SPAG16: variants seen among roughly 807,000 people sequenced by gnomAD.
SPAG16 encodes the protein sperm-associated antigen 16 protein.
Under a neutral mutation model 80.4 loss-of-function variants are expected in SPAG16, and 86 were observed. The ratio of observed to expected loss-of-function variants is 1.07; its 90% CI spans 0.90 to 1.28. SPAG16 has a LOEUF of 1.28. Ranked by LOEUF, SPAG16 falls within the 50% of genes most tolerant of loss-of-function variation. The pLI is 0.00. For synonymous variants in SPAG16, 294 were observed against 265.9 expected (o/e 1.11, Z -1.03); for missense variants, 870 against 765.3 (o/e 1.14, Z -1.61).
At chr2:213,984,561 A>C (rs1335116074) in intron 12 of SPAG16, among the ~76,000 whole-genome samples, 2 of 152,102 alleles carry the variant, frequency 1.3e-5, no homozygotes, top group African/African-American at 2.4e-5. Context: ...AGCACAAGGC[A>C]TGGGACATGG....
At chr2:213,694,154 T>C (rs1239605622) in intron 10 of SPAG16, among the ~76,000 whole-genome samples, 1 of 152,102 alleles carries the variant, frequency 6.6e-6, no homozygotes, top group Admixed American at 6.5e-5. Flanking sequence ...TCTGTAAGAA[T>C]AAACTAAGGA....
chr2:213,974,053 T>C (rs1189012709), intron 12 of SPAG16, among the ~76,000 whole-genome samples: 1 of 152,132 alleles, frequency 6.6e-6, no homozygotes, highest in African/African-American at 2.4e-5. Flanking sequence ...GTAGCTTAAC[T>C]AGGATTTTTA....
intron 14 of SPAG16, among the ~76,000 whole-genome samples, chr2:214,117,140 A>G (rs569670276): frequency 3.3e-5 from 5 of 152,318 alleles, no homozygotes; most frequent in South Asian, 4.1e-4. Context: ...GAAATTTATC[A>G]GGGAAATTTT....
intron 13 of SPAG16, among the ~76,000 whole-genome samples, chr2:214,078,533 CAAAAA>C (rs35101370): frequency 6.0e-5 from 7 of 117,126 alleles, no homozygotes; most frequent in African/African-American, 1.3e-4. Context: ...GAGCCTGTCT[CAAAAA>C]AAAAAAAAAA....
chr2:213,972,882 A>C (rs565291808), intron 12 of SPAG16, among the ~76,000 whole-genome samples: 1 of 151,854 alleles, frequency 6.6e-6, no homozygotes, highest in African/African-American at 2.4e-5. Context: ...TTGTGTTTTC[A>C]CTCTTCTGAT....
At chr2:214,173,842 C>G (rs1291395828) in intron 15 of SPAG16, among the ~76,000 whole-genome samples, 5 of 152,006 alleles carry the variant, frequency 3.3e-5, no homozygotes, top group African/African-American at 9.7e-5. Flanking sequence ...TACTGGCAAG[C>G]CGAATCCAGC....
intron 15 of SPAG16, among the ~76,000 whole-genome samples, chr2:214,214,479 C>G (rs2058378555): frequency 6.6e-6 from 1 of 152,130 alleles, no homozygotes; most frequent in African/African-American, 2.4e-5. Flanking sequence ...TCTTATGATA[C>G]TGAAAACTTC....
intron 9 of SPAG16, among the ~76,000 whole-genome samples, chr2:213,478,751 T>C (rs1236903127): frequency 6.6e-6 from 1 of 152,168 alleles, no homozygotes; most frequent in African/African-American, 2.4e-5. Context: ...GATTCTGCCA[T>C]ATTCCTACTC....
chr2:213,727,887 C>A (rs1030041351), intron 10 of SPAG16, among the ~76,000 whole-genome samples: 4 of 151,932 alleles, frequency 2.6e-5, no homozygotes, highest in Non-Finnish European at 5.9e-5. Context: ...TCACTCTTGT[C>A]GCCCAGGTTG....
At chr2:213,608,429 T>A (rs1209539403) in intron 10 of SPAG16, among the ~76,000 whole-genome samples, 1 of 152,120 alleles carries the variant, frequency 6.6e-6, no homozygotes, top group South Asian at 2.1e-4. Context: ...CGGTGTTTGG[T>A]TTTTTGTCCT....
intron 15 of SPAG16, among the ~76,000 whole-genome samples, chr2:214,251,483 A>G (rs890935088): frequency 1.3e-5 from 2 of 152,112 alleles, no homozygotes; most frequent in African/African-American, 2.4e-5. Context: ...AAAATTATCA[A>G]TAACTGAGTA....
chr2:213,689,682 C>G (rs2064857096), intron 10 of SPAG16, among the ~76,000 whole-genome samples: 1 of 152,056 alleles, frequency 6.6e-6, no homozygotes, highest in Non-Finnish European at 1.5e-5. Flanking sequence ...ATTGTTCTCA[C>G]TATTCTTTTC....
intron 10 of SPAG16, among the ~76,000 whole-genome samples, chr2:213,726,209 G>A (rs2066764187): frequency 6.6e-6 from 1 of 152,212 alleles, no homozygotes; most frequent in Non-Finnish European, 1.5e-5. Context: ...TCGGTGACTG[G>A]CAGTAGACAG....
intron 1 of SPAG16, among the ~76,000 whole-genome samples, chr2:213,286,305 C>A (rs190425753): frequency 6.6e-6 from 1 of 152,180 alleles, no homozygotes; most frequent in Non-Finnish European, 1.5e-5. Context: ...GTATTTTAAC[C>A]AAATGGTAGT....
intron 10 of SPAG16, among the ~76,000 whole-genome samples, chr2:213,546,989 A>G (rs1051242379): frequency 2.0e-5 from 3 of 152,206 alleles, no homozygotes; most frequent in South Asian, 2.1e-4. Flanking sequence ...AGAAGAGAGA[A>G]GGAAAAGAAC....
At chr2:213,693,385 C>G (rs1364065078) in intron 10 of SPAG16, among the ~76,000 whole-genome samples, 1 of 152,192 alleles carries the variant, frequency 6.6e-6, no homozygotes, top group African/African-American at 2.4e-5. Context: ...GAGTTAAGAC[C>G]AAGCCCTACC....
At chr2:214,116,418 A>G (rs2053937167) in intron 14 of SPAG16, among the ~76,000 whole-genome samples, 1 of 152,080 alleles carries the variant, frequency 6.6e-6, no homozygotes, top group Admixed American at 6.6e-5. Context: ...GGTGCACCAG[A>G]CTCAGTTCCA....
rs1415573681 is a variant in SPAG16, at chr2:213,961,600, T to G, written c.1400+31455T>G. Among the ~76,000 whole-genome samples the G allele has an allele frequency of 2.0e-4, 31 of 151,592 alleles. 1 individual carries two copies. Among genetic ancestry groups the G allele is most frequent in the South Asian group, 2.1e-4 (1 of 4,830 alleles). On this transcript the variant is annotated intron_variant, in intron 12 of 15. Transcript: ENST00000331683. ...TCTAACCCTAGTTTTTTTTTTTTTT[T>G]GCTGGATTTTGATAAATGTTTTTTC...
chr2:214,001,247 T>C (rs188362475), intron 12 of SPAG16, among the ~76,000 whole-genome samples: 5 of 152,354 alleles, frequency 3.3e-5, no homozygotes, highest in African/African-American at 1.2e-4. Flanking sequence ...TATTTCCTTT[T>C]GTGTTTAAAG....
Sources: allele counts gnomAD v4.1 joint callset (sites outside exome capture counted in the v4.1 genomes callset), GRCh38; gene constraint gnomAD v4.1.1; transcripts MANE v1.5; gene names NCBI Gene and HGNC (gene_info 2026-07-23, HGNC 2026-07-21).